LDLRAD3: variants seen among roughly 807,000 people sequenced by gnomAD.
LDLRAD3 encodes the protein low-density lipoprotein receptor class A domain-containing protein 3.
A neutral mutation model predicts 29.4 loss-of-function variants in LDLRAD3; 20 were observed. The observed-to-expected ratio is 0.68, with a 90% CI of 0.48 to 0.99. LDLRAD3 has a LOEUF of 0.99. Ranked by LOEUF, LDLRAD3 falls within the 50% of genes least tolerant of loss-of-function variation. LDLRAD3 has a pLI of 0.00. For synonymous variants in LDLRAD3, 157 were observed against 192.7 expected (o/e 0.81, Z 1.53); for missense variants, 420 against 454.3 (o/e 0.92, Z 0.69).
intron 4 of LDLRAD3, among the ~76,000 whole-genome samples, chr11:36,155,619 G>T (rs992528158): frequency 6.6e-6 from 1 of 152,244 alleles, no homozygotes; most frequent in East Asian, 1.9e-4. Context: ...ATAATAATAC[G>T]TACTTCACAG....
chr11:36,161,469 C>G, intron 4 of LDLRAD3, among the ~76,000 whole-genome samples: 1 of 152,150 alleles, frequency 6.6e-6, no homozygotes. Context: ...AAATACATAC[C>G]TGTAGATATA....
chr11:36,000,926 C>G (rs984882889), intron 1 of LDLRAD3, among the ~76,000 whole-genome samples: 40 of 152,022 alleles, frequency 2.6e-4, no homozygotes, highest in Non-Finnish European at 5.4e-4. Flanking sequence ...GAAGCAGAGA[C>G]ACGTGGGAAG....
Position 36,042,339 on chromosome 11 carries a change from C to T in LDLRAD3, c.193+6090C>T, listed in dbSNP as rs371310922. Among the ~76,000 whole-genome samples the T allele has an allele frequency of 5.3e-5, 8 of 152,248 alleles. No homozygotes were observed. The East Asian group carries it at 7.7e-4, about 15-fold the overall frequency. ...GCTGTTTCTCTAGGGCACCTAATGCCGGCTCCACACACCAAATGCCTCTGG... is the reference window on the plus strand; with the variant it reads ...GCTGTTTCTCTAGGGCACCTAATGCTGGCTCCACACACCAAATGCCTCTGG... On this transcript the variant is annotated intron_variant, in intron 2 of 5. Coordinates refer to ENST00000315571, the MANE Select transcript of LDLRAD3 (RefSeq NM_174902.4).
At chr11:36,151,704 C>T (rs554348291) in intron 4 of LDLRAD3, among the ~76,000 whole-genome samples, 1 of 152,334 alleles carries the variant, frequency 6.6e-6, no homozygotes, top group East Asian at 1.9e-4. Context: ...AATCCCCAGT[C>T]CTGTCTAGTG....
intron 2 of LDLRAD3, among the ~76,000 whole-genome samples, chr11:36,057,988 G>A (rs904559): frequency 0.54 from 81,453 of 152,062 alleles, 21,858 homozygotes; most frequent in African/African-American, 0.58. Context: ...TCATCTCAGT[G>A]GAGCGCCCAG....
chr11:36,136,733 C>T (rs547201551), intron 4 of LDLRAD3, among the ~76,000 whole-genome samples: 3 of 151,804 alleles, frequency 2.0e-5, no homozygotes, highest in African/African-American at 7.2e-5. Flanking sequence ...CTTAGTCACC[C>T]AGGCTGGAGT....
intron 1 of LDLRAD3, among the ~76,000 whole-genome samples, chr11:35,955,336 C>G (rs781055115): frequency 2.0e-5 from 3 of 152,190 alleles, no homozygotes; most frequent in Admixed American, 6.5e-5. Context: ...GGAAATAAAA[C>G]TTTGCTGGTC....
At chr11:36,191,576 C>CTCTCTCTA (rs377747518) in intron 4 of LDLRAD3, among the ~76,000 whole-genome samples, 679 of 53,212 alleles carry the variant, frequency 0.013, 8 homozygotes, top group Non-Finnish European at 0.017. Flanking sequence ...CTCTCTCTCT[C>CTCTCTCTA]TATATATATA....
intron 4 of LDLRAD3, among the ~76,000 whole-genome samples, chr11:36,118,761 C>T (rs1444467756): frequency 6.6e-6 from 1 of 152,066 alleles, no homozygotes; most frequent in Non-Finnish European, 1.5e-5. Context: ...GTTAGACAGC[C>T]ATCCCCACTG....
intron 1 of LDLRAD3, among the ~76,000 whole-genome samples, chr11:35,950,232 G>A (rs897866720): frequency 2.6e-5 from 4 of 152,178 alleles, no homozygotes; most frequent in African/African-American, 9.6e-5. Context: ...CTTGGACCTT[G>A]ATGGGAACAC....
intron 3 of LDLRAD3, among the ~76,000 whole-genome samples, chr11:36,084,268 C>T (rs1175445742): frequency 6.6e-6 from 1 of 152,164 alleles, no homozygotes; most frequent in Non-Finnish European, 1.5e-5. Context: ...CCATTCCAAA[C>T]TATGCCAATG....
At chr11:36,067,217 A>G (rs1158613833) in intron 2 of LDLRAD3, among the ~76,000 whole-genome samples, 1 of 152,152 alleles carries the variant, frequency 6.6e-6, no homozygotes, top group Non-Finnish European at 1.5e-5. Flanking sequence ...CATTCTGGCC[A>G]TTCCCCACGT....
At chr11:36,156,480 G>A (rs1196363592) in intron 4 of LDLRAD3, among the ~76,000 whole-genome samples, 1 of 152,248 alleles carries the variant, frequency 6.6e-6, no homozygotes, top group Non-Finnish European at 1.5e-5. Flanking sequence ...GCTGAAAGAA[G>A]TTGGGTCTCC....
intron 4 of LDLRAD3, among the ~76,000 whole-genome samples, chr11:36,105,238 T>TGTGTGTGTGAGA (rs1343780985): frequency 2.7e-4 from 35 of 128,424 alleles, no homozygotes; most frequent in East Asian, 1.0e-3. Flanking sequence ...TGTGTGTGTG[T>TGTGTGTGTGAGA]GAGAGAGAGA....
intron 2 of LDLRAD3, among the ~76,000 whole-genome samples, chr11:36,071,550 A>G (rs1358329636): frequency 6.6e-6 from 1 of 152,232 alleles, no homozygotes; most frequent in African/African-American, 2.4e-5. Context: ...AAAAATGATG[A>G]TGTGTACCAG....
intron 4 of LDLRAD3, among the ~76,000 whole-genome samples, chr11:36,169,507 A>G (rs1004723373): frequency 1.3e-5 from 2 of 152,040 alleles, no homozygotes; most frequent in Non-Finnish European, 2.9e-5. Flanking sequence ...TGTGAGATCA[A>G]TTTTGTTTAG....
rs187386967 is a variant in LDLRAD3, at chr11:36,133,078, T to C, written c.454+34617T>C. Among the ~76,000 whole-genome samples, 294 of 152,386 alleles carry C rather than the reference T, an allele frequency of 1.9e-3. 1 individual carries two copies. The highest frequency in any genetic ancestry group is 3.5e-3 in the South Asian group (17 of 4,830). On this transcript the variant is annotated intron_variant, in intron 4 of 5. Coordinates refer to ENST00000315571, the MANE Select transcript of LDLRAD3 (RefSeq NM_174902.4). ...GTATGTGCTCATTAAATTTTACCTT[T>C]GTTTACCTTTTATCTGGAAACTTAA...
At chr11:36,014,301 G>A (rs573868933) in intron 1 of LDLRAD3, among the ~76,000 whole-genome samples, 44 of 152,358 alleles carry the variant, frequency 2.9e-4, no homozygotes, top group Middle Eastern at 6.8e-3. Context: ...CAGATAGACA[G>A]AGAGAGGGGT....
At chr11:36,205,686 A>G (rs1855196876) in intron 4 of LDLRAD3, among the ~76,000 whole-genome samples, 1 of 152,222 alleles carries the variant, frequency 6.6e-6, no homozygotes, top group South Asian at 2.1e-4. Flanking sequence ...GAAGTTTGTA[A>G]TTATGACTGA....
Sources: gnomAD v4.1 joint callset for allele counts (sites outside exome capture counted in the v4.1 genomes callset) on GRCh38, gnomAD v4.1.1 for gene constraint, MANE v1.5 for transcripts, NCBI Gene and HGNC (gene_info 2026-07-23, HGNC 2026-07-21) for gene names.